The following MYO5C variants were observed in gnomAD, a reference collection of about 807,000 sequenced individuals.
MYO5C encodes myosin VC.
In MYO5C, 194 loss-of-function variants were observed where a neutral mutation model predicts 235.7. The ratio of observed to expected loss-of-function variants is 0.82; its 90% CI spans 0.73 to 0.93. The LOEUF is 0.93. MYO5C is among the 40% of genes least tolerant of loss of function. MYO5C has a pLI of 0.00. For synonymous variants in MYO5C, 707 were observed against 754.8 expected, an observed-to-expected ratio of 0.94 and a Z score of 1.04; for missense variants, 2,038 against 2,127.2, an observed-to-expected ratio of 0.96 and a Z score of 0.82.
At chr15:52,215,295 T>C (rs1398494614) in intron 32 of MYO5C, among the ~76,000 whole-genome samples, 1 of 152,238 alleles carries the variant, frequency 6.6e-6, no homozygotes, top group Non-Finnish European at 1.5e-5. Context: ...CTTTCTTTCC[T>C]GATAAGTAGG....
intron 10 of MYO5C, among the ~76,000 whole-genome samples, chr15:52,260,072 G>T (rs187633982): frequency 6.6e-6 from 1 of 152,234 alleles, no homozygotes; most frequent in African/African-American, 2.4e-5. Flanking sequence ...GGGGCCAGCT[G>T]CTAGAAAAGC....
chr15:52,224,347 A>G (rs146736595), intron 28 of MYO5C, among the ~76,000 whole-genome samples: 4 of 152,340 alleles, frequency 2.6e-5, no homozygotes, highest in Non-Finnish European at 5.9e-5. Flanking sequence ...GTCATTATAC[A>G]TTTGTCAAAA....
chr15:52,215,061 A>G (rs1057239909), intron 32 of MYO5C, among the ~76,000 whole-genome samples: 1 of 152,198 alleles, frequency 6.6e-6, no homozygotes, highest in African/African-American at 2.4e-5. Context: ...TTCACTTAGC[A>G]TAAGGTTTTC....
chr15:52,273,186 G>C (rs1037323103), intron 5 of MYO5C, among the ~76,000 whole-genome samples: 3 of 152,142 alleles, frequency 2.0e-5, no homozygotes, highest in Non-Finnish European at 4.4e-5. Flanking sequence ...AGACAGGCAT[G>C]GTGGTGTGTG....
intron 10 of MYO5C, among the ~76,000 whole-genome samples, chr15:52,259,946 G>C (rs1455952195): frequency 6.6e-6 from 1 of 152,210 alleles, no homozygotes; most frequent in Non-Finnish European, 1.5e-5. Context: ...CCATGGTGTG[G>C]GGAAGATCCC....
chr15:52,272,984 G>A (rs1451194641), intron 5 of MYO5C, among the ~76,000 whole-genome samples: 1 of 152,164 alleles, frequency 6.6e-6, no homozygotes, highest in Non-Finnish European at 1.5e-5. Context: ...GATGTTTCAG[G>A]GTCCTGGGTT....
At position 52,205,067 on chromosome 15, in the gene MYO5C, T is replaced by A. The variant is rs768466852; in HGVS notation, c.4618A>T (p.Ile1540Leu). ...ATGGTGTAGCCGTCCGTGTCGTCTA[T>A]GCTAGAGGAGCGCTTCCGGAAGCCT... ...PTGFRKRSSS[I>L]DDTDGYTMTS... is the part of the protein sequence containing the mutation. The change falls in exon 38 of 41, where the codon ATA becomes TTA. Residue 1540 changes from isoleucine to leucine, a missense_variant. Transcript: ENST00000261839. 1 of 1,614,102 alleles carries A rather than the reference T, an allele frequency of 6.2e-7. No homozygotes were observed. Among genetic ancestry groups the A allele is most frequent in the Non-Finnish European group, 8.5e-7 (1 of 1,180,036 alleles).
chr15:52,269,396 T>A (rs1238212384), intron 8 of MYO5C, among the ~76,000 whole-genome samples: 1 of 147,708 alleles, frequency 6.8e-6, no homozygotes, highest in African/African-American at 2.5e-5. Context: ...ATTTTTTTTT[T>A]TTTTTTTTTT....
chr15:52,220,089 G>A (rs1198311381), intron 30 of MYO5C, among the ~76,000 whole-genome samples: 2 of 152,208 alleles, frequency 1.3e-5, no homozygotes, highest in Non-Finnish European at 2.9e-5. Context: ...CTCCCTGAAA[G>A]CTGTCATGGG....
Position 52,292,351 on chromosome 15 carries a change from A to G in MYO5C, c.27+3259T>C, listed in dbSNP as rs144065148. ...AGATCCCTTGAAGAAGAGGAAGATA[A>G]TAAAGGCGGTTGAACCAAGGTGGTG... On this transcript the variant is annotated intron_variant, in intron 1 of 40. Coordinates refer to ENST00000261839, the MANE Select transcript of MYO5C (RefSeq NM_018728.4). Among the ~76,000 whole-genome samples, 14 of 152,352 alleles carry G rather than the reference A, an allele frequency of 9.2e-5. No homozygotes were observed. In the East Asian group the frequency reaches 2.7e-3, roughly 29 times the overall value.
rs541719435 is a variant in MYO5C at position 52,264,120 on chromosome 15, C to T, written c.1047+70G>A. The stretch of plus-strand genomic sequence containing the variant: ...TATATCTGGTGCTAAAAAGCAAAGG[C>T]AGGTCAGCTGCGAGCCAGTTCCACT... On this transcript the variant is annotated intron_variant, in intron 9 of 40. Transcript: ENST00000261839. 5.0e-6 allele frequency: 6 copies of T among 1,204,702 alleles called. No individual in the cohort carries two copies. In the East Asian group the frequency reaches 1.2e-4, roughly 24 times the overall value. The allele number at this position is 1,204,702 out of a possible 1,614,324, so 74.6% of individuals were successfully genotyped here. A position where few individuals can be genotyped will look rare whatever the true frequency, so the allele number is the denominator to read the frequency against.
At chr15:52,246,690 T>C (rs568868868) in intron 16 of MYO5C, among the ~76,000 whole-genome samples, 4 of 152,172 alleles carry the variant, frequency 2.6e-5, no homozygotes, top group Admixed American at 2.0e-4. Context: ...AAAACTTTAG[T>C]TGTAGAAGAT....
intron 30 of MYO5C, 75 bp downstream of exon 30, chr15:52,221,087 C>T (rs1266193076): frequency 5.9e-6 from 7 of 1,188,920 alleles, no homozygotes; most frequent in South Asian, 1.4e-5. Context: ...GCCCTGAGTA[C>T]AAGGACATTT....
At chr15:52,224,435 C>T (rs1218674207) in intron 28 of MYO5C, among the ~76,000 whole-genome samples, 3 of 152,098 alleles carry the variant, frequency 2.0e-5, no homozygotes, top group Non-Finnish European at 4.4e-5. Flanking sequence ...AGTGTTGGTT[C>T]ACCAGTCATA....
At chr15:52,210,207 A>G (rs1245471277) in intron 35 of MYO5C, among the ~76,000 whole-genome samples, 1 of 151,978 alleles carries the variant, frequency 6.6e-6, no homozygotes, top group African/African-American at 2.4e-5. Context: ...CAAGCGATCT[A>G]CCTGCCTCAG....
At chr15:52,290,383 A>C (rs963582701) in intron 1 of MYO5C, among the ~76,000 whole-genome samples, 4 of 152,080 alleles carry the variant, frequency 2.6e-5, no homozygotes, top group Non-Finnish European at 5.9e-5. Flanking sequence ...AACTATTTAG[A>C]ATTAGCCAAA....
chr15:52,211,971 G>C lies in MYO5C; in HGVS notation c.4142-87C>G, dbSNP rs2035451251. On this transcript the variant is annotated intron_variant, in intron 34 of 40. Transcript: ENST00000261839. ...TGTGACTAGGGGCAGGGGCTTGTTT[G>C]CTTTTCTGTGCTTGACACAGTGCCT... is the stretch of plus-strand genomic sequence containing the variant. 14 of 1,368,548 alleles carry C rather than the reference G, an allele frequency of 1.0e-5. No homozygotes were observed. In the South Asian group the frequency reaches 1.9e-4, roughly 19 times the overall value. The allele number at this position is 1,368,548 out of a possible 1,614,324, so 84.8% of individuals were successfully genotyped here.
intron 8 of MYO5C, 38 bp from the exon 9 acceptor site, chr15:52,264,334 C>T: frequency 1.3e-6 from 2 of 1,490,056 alleles, no homozygotes; most frequent in Non-Finnish European, 1.9e-6. Flanking sequence ...AATACTGCAT[C>T]TCTTCTCTGA....
chr15:52,283,961 C>T (rs2037211064), intron 1 of MYO5C, among the ~76,000 whole-genome samples: 1 of 152,026 alleles, frequency 6.6e-6, no homozygotes, highest in South Asian at 2.1e-4. Context: ...AGGCATGAGC[C>T]ACCACGCCTG....
Sources: gnomAD v4.1 joint callset for allele counts (sites outside exome capture counted in the v4.1 genomes callset) on GRCh38, gnomAD v4.1.1 for gene constraint, MANE v1.5 for transcripts, NCBI Gene and HGNC (gene_info 2026-07-23, HGNC 2026-07-21) for gene names.